MCM5: variants seen among roughly 807,000 people sequenced by gnomAD.
MCM5 encodes the protein minichromosome maintenance complex component 5.
A neutral mutation model predicts 79.9 loss-of-function variants in MCM5; 46 were observed. The ratio of observed to expected loss-of-function variants is 0.58; its 90% CI spans 0.45 to 0.74. The LOEUF (loss-of-function observed/expected upper bound fraction) is 0.74. Among genes scored for constraint, MCM5 ranks in the 30% least tolerant of loss-of-function variants. MCM5 has a pLI of 0.00. For synonymous variants in MCM5, 404 were observed against 390.5 expected (o/e 1.03, Z -0.41); for missense variants, 883 against 1,017.0 (o/e 0.87, Z 1.79).
intron 16 of MCM5, 121 bp downstream of exon 16, chr22:35,423,462 C>G (rs1932745020): frequency 8.9e-7 from 1 of 1,124,006 alleles, no homozygotes; most frequent in Admixed American, 2.9e-5. Context: ...GTAGGATGGA[C>G]AACTGTCCCT....
intron 7 of MCM5, 109 bp from the exon 8 acceptor site, chr22:35,412,401 G>A: frequency 1.1e-6 from 1 of 870,004 alleles, no homozygotes; most frequent in Non-Finnish European, 1.7e-6. Flanking sequence ...CTGGCCCTAA[G>A]GGCCCTAAGG....
chr22:35,433,024 T>C, the MCM5 span, among the ~76,000 whole-genome samples: 1,211 of 152,144 alleles, frequency 8.0e-3, 9 homozygotes, highest in South Asian at 0.022. Flanking sequence ...ACCCTCAACC[T>C]TGTGGGCTCA....
Position 35,416,629 on chromosome 22 carries a change from G to A in MCM5, c.1414-9G>A, listed in dbSNP as rs750050294. The A allele has an allele frequency of 6.2e-6, 10 of 1,608,030 alleles. No homozygotes were observed. The highest frequency in any genetic ancestry group is 4.5e-5 in the East Asian group (2 of 44,428). ...CTCCTCCCCCTTTTCGTCGTCTGTC[G>A]CCTGTTAGGCTGGGATCACCACCAC... On this transcript the variant is annotated splice_polypyrimidine_tract_variant and intron_variant, in intron 11 of 16. Transcript: ENST00000216122.
downstream of MCM5, among the ~76,000 whole-genome samples, chr22:35,426,560 C>T (rs1378667127): frequency 8.5e-5 from 13 of 152,162 alleles, no homozygotes. Context: ...CGCGACCCAG[C>T]GGACATTTCT....
intron 2 of MCM5, among the ~76,000 whole-genome samples, chr22:35,402,305 C>G (rs903717631): frequency 1.5e-4 from 22 of 151,540 alleles, no homozygotes; most frequent in Admixed American, 1.4e-3. Context: ...CTTGGTGCCT[C>G]CAGTTTTTTT....
At chr22:35,402,398 C>T (rs1379766459) in intron 2 of MCM5, among the ~76,000 whole-genome samples, 1 of 150,750 alleles carries the variant, frequency 6.6e-6, no homozygotes. Flanking sequence ...GTGATCTTGG[C>T]TCACTGCAAC....
intron 11 of MCM5, 97 bp downstream of exon 11, chr22:35,416,501 G>C (rs1469592434): frequency 8.6e-6 from 12 of 1,388,858 alleles, no homozygotes; most frequent in Non-Finnish European, 1.2e-5. Context: ...TCTTTGCCCA[G>C]GCCTAGAATC....
At chr22:35,406,253 C>T (rs1932207744) in intron 4 of MCM5, among the ~76,000 whole-genome samples, 1 of 150,710 alleles carries the variant, frequency 6.6e-6, no homozygotes, top group South Asian at 2.1e-4. Context: ...CTGGCACCTG[C>T]CACTTTGTAG....
chr22:35,438,687 C>T, the MCM5 span, among the ~76,000 whole-genome samples: 3 of 138,716 alleles, frequency 2.2e-5, no homozygotes, highest in Admixed American at 1.4e-4. Context: ...ATCCATCCAT[C>T]CATCCACCCA....
At chr22:35,443,060 C>T in the MCM5 span, among the ~76,000 whole-genome samples, 1 of 152,206 alleles carries the variant, frequency 6.6e-6, no homozygotes, top group Non-Finnish European at 1.5e-5. Flanking sequence ...TGCTTTTCAG[C>T]CTGAGGACCA....
chr22:35,409,399 C>T (rs1212905395), intron 6 of MCM5: 1 of 152,044 alleles, frequency 6.6e-6, no homozygotes, highest in African/African-American at 2.4e-5. Flanking sequence ...CATACTGAGA[C>T]CCTGTATCTA....
intron 9 of MCM5, among the ~76,000 whole-genome samples, chr22:35,414,282 C>T (rs534157224): frequency 1.3e-5 from 2 of 152,178 alleles, no homozygotes; most frequent in East Asian, 1.9e-4. Context: ...TCTCCCTGAG[C>T]GTCAGTTTAT....
At chr22:35,405,350 C>T (rs1223224210) in intron 4 of MCM5, among the ~76,000 whole-genome samples, 4 of 151,630 alleles carry the variant, frequency 2.6e-5, no homozygotes, top group Non-Finnish European at 5.9e-5. Context: ...AACTATTTCT[C>T]CATGTATCTC....
chr22:35,450,818 T>G, the MCM5 span, among the ~76,000 whole-genome samples: 1 of 151,988 alleles, frequency 6.6e-6, no homozygotes, highest in Non-Finnish European at 1.5e-5. Context: ...AAAACCCGGG[T>G]CCATCTGACT....
the MCM5 span, among the ~76,000 whole-genome samples, chr22:35,436,724 A>C: frequency 6.6e-6 from 1 of 152,328 alleles, no homozygotes; most frequent in Non-Finnish European, 1.5e-5. Context: ...GCAGGGCCAC[A>C]GGCCATTCTG....
chr22:35,410,655 C>T (rs769156480), intron 6 of MCM5, 89 bp from the exon 7 acceptor site: 28 of 1,313,942 alleles, frequency 2.1e-5, no homozygotes, highest in Non-Finnish European at 1.2e-5. Context: ...GCAGTGGACC[C>T]TGCGTGTCCT....
At chr22:35,445,649 A>G in the MCM5 span, among the ~76,000 whole-genome samples, 1 of 151,904 alleles carries the variant, frequency 6.6e-6, no homozygotes, top group Non-Finnish European at 1.5e-5. Context: ...AGCTGGGACT[A>G]CAGGCACCCA....
chr22:35,424,332 C>T lies in MCM5; in HGVS notation c.*77C>T. 1 of 1,061,808 alleles carries T rather than the reference C, an allele frequency of 9.4e-7. No individual in the cohort carries two copies. The highest frequency in any genetic ancestry group is 1.4e-6 in the Non-Finnish European group (1 of 732,412). 65.8% of individuals were successfully genotyped at this position (1,061,808 alleles called of 1,614,324 possible). A position where few individuals can be genotyped will look rare whatever the true frequency, so the allele number is the denominator to read the frequency against. ...CCGCTGCCTGCCATTGACAATGTTG[C>T]TGGGACCTCTGCCTCCCCACTGCAG... is the stretch of plus-strand genomic sequence containing the variant. On this transcript the variant is annotated 3_prime_UTR_variant, in exon 17 of 17. Transcript: ENST00000216122.
chr22:35,400,536 G>A lies in MCM5; in HGVS notation c.98G>A (p.Arg33Lys), dbSNP rs1381169659. The change falls in exon 2 of 17, where the codon AGG becomes AAG. Residue 33 changes from arginine (R) to lysine (K), a missense_variant. Around this residue, in one of 3 missense-constraint regions of MCM5, gnomAD observed 455 missense variants for 517.5 expected, o/e 0.88. Transcript: ENST00000216122. ...CAGGCCCGCAAATCGCAGCTGCAGA[G>A]GCGCTTCAAGGAGTTCCTGCGGCAG... is the stretch of plus-strand genomic sequence containing the variant. ...EGQARKSQLQ[R>K]RFKEFLRQYR... 1.2e-6 allele frequency: 2 copies of A among 1,614,092 alleles called. No homozygotes were observed. Among genetic ancestry groups the A allele is most frequent in the Non-Finnish European group, 1.7e-6 (2 of 1,179,992 alleles).
Sources: allele counts gnomAD v4.1 joint callset (sites outside exome capture counted in the v4.1 genomes callset), GRCh38; gene constraint gnomAD v4.1.1; regional missense constraint gnomAD v4.1.1; transcripts MANE v1.5; gene names NCBI Gene and HGNC (gene_info 2026-07-23, HGNC 2026-07-21).